BCL2L13: variants seen among roughly 807,000 people sequenced by gnomAD.
BCL2L13 encodes BCL2 like 13.
A neutral mutation model predicts 25.8 loss-of-function variants in BCL2L13; 13 were observed. The observed-to-expected ratio is 0.50, with a 90% confidence interval of 0.33 to 0.80. BCL2L13 has a LOEUF of 0.80. BCL2L13 is among the 30% of genes least tolerant of loss of function. BCL2L13 has a pLI of 0.02. For missense variants in BCL2L13, 504 were observed against 574.9 expected (o/e 0.88, Z 1.26); for synonymous variants, 244 against 230.3 (o/e 1.06, Z -0.54).
intron 1 of BCL2L13, among the ~76,000 whole-genome samples, chr22:17,650,550 A>C (rs1458238540): frequency 6.6e-6 from 1 of 152,130 alleles, no homozygotes; most frequent in Non-Finnish European, 1.5e-5. Flanking sequence ...TGCAAAGAAG[A>C]CTGAAAATTT....
At chr22:17,686,119 C>A (rs1404618244) in intron 3 of BCL2L13, among the ~76,000 whole-genome samples, 1 of 151,986 alleles carries the variant, frequency 6.6e-6, no homozygotes, top group African/African-American at 2.4e-5. Flanking sequence ...GTTCATAACT[C>A]ATGTTCCTCG....
At chr22:17,681,014 C>T (rs926838661) in intron 2 of BCL2L13, among the ~76,000 whole-genome samples, 1 of 152,076 alleles carries the variant, frequency 6.6e-6, no homozygotes, top group Admixed American at 6.6e-5. Context: ...AGTCCCATTT[C>T]CTACTCTGTC....
rs777901838 is a variant in BCL2L13 at position 17,727,075 on chromosome 22, G to T, written c.999G>T (p.Glu333Asp). Residue 333 changes from glutamate to aspartate, a missense_variant, in exon 7 of 7, where the codon GAG becomes GAT. By Grantham distance (45) the Glu-to-Asp change is conservative (BLOSUM62 2). Transcript: ENST00000317582. Reference protein sequence around the residue: ...AVASVVLPARELQEALPEAPA... With the variant: ...AVASVVLPARDLQEALPEAPA... The stretch of plus-strand genomic sequence containing the variant: ...CTTCTGTGGTCTTGCCAGCGCGGGA[G>T]CTGCAAGAGGCACTTCCTGAAGCCC... The T allele has an allele frequency of 1.5e-5, 25 of 1,614,096 alleles. No individual in the cohort carries two copies. Among genetic ancestry groups the T allele is most frequent in the Middle Eastern group, 1.6e-4 (1 of 6,082 alleles).
At chr22:17,635,903 G>A (rs1450231472), upstream of BCL2L13, among the ~76,000 whole-genome samples, 2 of 151,784 alleles carry the variant, frequency 1.3e-5, no homozygotes, top group Non-Finnish European at 2.9e-5. Context: ...TAGAGACGGG[G>A]TTTCACTGTG....
intron 2 of BCL2L13, among the ~76,000 whole-genome samples, chr22:17,658,788 G>A (rs1342890315): frequency 6.6e-6 from 1 of 151,818 alleles, no homozygotes; most frequent in Non-Finnish European, 1.5e-5. Context: ...GCCAGGCACG[G>A]TGGCTCACAC....
chr22:17,644,041 G>T (rs1303304619), intron 1 of BCL2L13, among the ~76,000 whole-genome samples: 1 of 151,148 alleles, frequency 6.6e-6, no homozygotes, highest in Non-Finnish European at 1.5e-5. Context: ...CTCCTGAGTA[G>T]CTGGGAATAC....
chr22:17,637,827 CCTT>C (rs2058139027), upstream of BCL2L13, among the ~76,000 whole-genome samples: 1 of 152,158 alleles, frequency 6.6e-6, no homozygotes, highest in Non-Finnish European at 1.5e-5. Context: ...TTTATCACTT[CCTT>C]TAGAATAGCC....
At chr22:17,696,912 A>C (rs2060281018) in intron 5 of BCL2L13, among the ~76,000 whole-genome samples, 1 of 152,148 alleles carries the variant, frequency 6.6e-6, no homozygotes, top group Admixed American at 6.5e-5. Flanking sequence ...AGGGTGGCTT[A>C]GTGCAGTGTG....
At position 17,683,296 on chromosome 22, in the gene BCL2L13, A is replaced by G. The variant is rs2059810729; in HGVS notation, c.204A>G (p.Lys68=). 1.9e-6 allele frequency: 3 copies of G among 1,572,750 alleles called. No homozygotes were observed. Among genetic ancestry groups the G allele is most frequent in the Non-Finnish European group, 2.6e-6 (3 of 1,153,630 alleles). ...KVKTEIEEEL[K]SLDKEISEAF... is the part of the protein sequence containing the mutation. ...AAACTGAAATTGAAGAAGAGCTAAA[A>G]TCTCTGGACAAAGAAATTTCTGAAG... is the stretch of plus-strand genomic sequence containing the variant. The change falls in exon 3 of 7, where the codon AAA becomes AAG. Residue 68 remains lysine, a synonymous_variant. Transcript: ENST00000317582.
intron 2 of BCL2L13, among the ~76,000 whole-genome samples, chr22:17,679,417 C>T (rs751878240): frequency 1.3e-5 from 2 of 151,802 alleles, no homozygotes; most frequent in Non-Finnish European, 2.9e-5. Context: ...TTACAGGCGC[C>T]TGCCACCATG....
chr22:17,698,556 T>G (rs2535706), intron 5 of BCL2L13, among the ~76,000 whole-genome samples: 10 of 129,956 alleles, frequency 7.7e-5, no homozygotes, highest in South Asian at 2.4e-4. Context: ...CCCTGTCTCT[T>G]AAAAAAAAAA....
At chr22:17,630,236 A>C (rs1015269459) in intron 1 of BCL2L13, among the ~76,000 whole-genome samples, 11 of 151,872 alleles carry the variant, frequency 7.2e-5, no homozygotes, top group African/African-American at 1.7e-4. Flanking sequence ...AAAAAAAAAA[A>C]AAACAAATTC....
chr22:17,726,612 A>G (rs2061305384), intron 6 of BCL2L13, 65 bp from the exon 7 acceptor site: 1 of 1,530,186 alleles, frequency 6.5e-7, no homozygotes. Context: ...TTTGCTTTCC[A>G]GATTGATGTT....
At chr22:17,629,508 C>A (rs1275930558) in intron 1 of BCL2L13, among the ~76,000 whole-genome samples, 1 of 152,088 alleles carries the variant, frequency 6.6e-6, no homozygotes, top group African/African-American at 2.4e-5. Context: ...ACAGAAATCC[C>A]CCCAGGCTCA....
At chr22:17,677,948 A>G (rs1477205952) in intron 2 of BCL2L13, among the ~76,000 whole-genome samples, 1 of 152,106 alleles carries the variant, frequency 6.6e-6, no homozygotes, top group African/African-American at 2.4e-5. Context: ...TGAGAGGCTG[A>G]GGTGGGAAGA....
intron 4 of BCL2L13, among the ~76,000 whole-genome samples, chr22:17,694,806 T>G (rs1256134097): frequency 6.6e-6 from 1 of 152,200 alleles, no homozygotes; most frequent in Non-Finnish European, 1.5e-5. Flanking sequence ...TTTCAAAATG[T>G]TAAAATGCAG....
At chr22:17,644,557 C>G (rs901324032) in intron 1 of BCL2L13, among the ~76,000 whole-genome samples, 1 of 151,256 alleles carries the variant, frequency 6.6e-6, no homozygotes, top group Non-Finnish European at 1.5e-5. Context: ...GTCTCAATCT[C>G]TTGACCTCGT....
intron 6 of BCL2L13, among the ~76,000 whole-genome samples, chr22:17,719,840 A>AC (rs2061057471): frequency 1.0e-5 from 1 of 99,886 alleles, no homozygotes; most frequent in African/African-American, 3.0e-5. Context: ...AAAAAAAAAA[A>AC]AAAAAAAAAA....
rs200277829 is a variant in BCL2L13 at position 17,702,400 on chromosome 22, T to C, written c.600+14T>C. ...CAAGGTGGCTGGGTATGAGCTGTTATATATTAAAAATATTTTCTTGAAAAA... is the reference window on the plus strand; with the variant it reads ...CAAGGTGGCTGGGTATGAGCTGTTACATATTAAAAATATTTTCTTGAAAAA... On this transcript the variant is annotated intron_variant, in intron 6 of 6. Transcript: ENST00000317582. The C allele has an allele frequency of 6.5e-6, 10 of 1,533,760 alleles. No individual in the cohort carries two copies. Among genetic ancestry groups the C allele is most frequent in the South Asian group, 2.5e-5 (2 of 79,118 alleles).
Sources: gnomAD v4.1 joint callset for allele counts (sites outside exome capture counted in the v4.1 genomes callset) on GRCh38, gnomAD v4.1.1 for gene constraint, MANE v1.5 for transcripts, NCBI Gene and HGNC (gene_info 2026-07-23, HGNC 2026-07-21) for gene names.